SOX5: variants seen among roughly 807,000 people sequenced by gnomAD.
SOX5 encodes SRY-box transcription factor 5, also known as transcription factor SOX-5.
In SOX5, 9 loss-of-function variants were observed where a neutral mutation model predicts 92.0. The observed-to-expected ratio is 0.10, with a 90% CI of 0.06 to 0.17. The LOEUF (loss-of-function observed/expected upper bound fraction) is 0.17. Ranked by LOEUF, SOX5 falls within the 10% of genes least tolerant of loss-of-function variation. The pLI is 1.00. For synonymous variants in SOX5, 344 were observed against 336.3 expected, an observed-to-expected ratio of 1.02 and a Z score of -0.25; for missense variants, 642 against 944.5, an observed-to-expected ratio of 0.68 and a Z score of 4.20.
chr12:24,466,224 C>T (rs887370459), intron 1 of SOX5, among the ~76,000 whole-genome samples: 1 of 151,858 alleles, frequency 6.6e-6, no homozygotes, highest in African/African-American at 2.4e-5. Context: ...CTTCCTTCTT[C>T]CTTCTTTCTT....
intron 4 of SOX5, among the ~76,000 whole-genome samples, chr12:23,752,902 C>G (rs1342804387): frequency 6.6e-6 from 1 of 151,786 alleles, no homozygotes; most frequent in East Asian, 1.9e-4. Context: ...TACATGTTTG[C>G]TAGAGGATTG....
At chr12:24,402,966 T>A (rs761678050) in intron 1 of SOX5, among the ~76,000 whole-genome samples, 1 of 152,154 alleles carries the variant, frequency 6.6e-6, no homozygotes, top group Non-Finnish European at 1.5e-5. Flanking sequence ...AATGATATTC[T>A]AAACATACTC....
At chr12:24,415,612 T>G (rs1375154477) in intron 1 of SOX5, among the ~76,000 whole-genome samples, 2 of 152,174 alleles carry the variant, frequency 1.3e-5, no homozygotes, top group Non-Finnish European at 2.9e-5. Context: ...CTAAAGCTCT[T>G]AGCCCAAACT....
At chr12:24,097,104 C>T (rs1945513430) in intron 4 of SOX5, among the ~76,000 whole-genome samples, 1 of 151,990 alleles carries the variant, frequency 6.6e-6, no homozygotes, top group South Asian at 2.1e-4. Context: ...TGTATCTCAT[C>T]GTGGTTTTGA....
chr12:24,453,193 T>C (rs988649651), intron 1 of SOX5, among the ~76,000 whole-genome samples: 1 of 152,128 alleles, frequency 6.6e-6, no homozygotes, highest in Non-Finnish European at 1.5e-5. Flanking sequence ...AGGAAATACA[T>C]GGTTAAAGCA....
At chr12:24,117,467 T>C (rs1004322568) in intron 4 of SOX5, among the ~76,000 whole-genome samples, 1 of 152,260 alleles carries the variant, frequency 6.6e-6, no homozygotes, top group African/African-American at 2.4e-5. Flanking sequence ...TGGATATATA[T>C]ATATACGTAA....
intron 1 of SOX5, among the ~76,000 whole-genome samples, chr12:24,371,077 T>C (rs1251713975): frequency 2.0e-5 from 3 of 152,242 alleles, no homozygotes; most frequent in Non-Finnish European, 4.4e-5. Flanking sequence ...ATTATCTACA[T>C]GACCCTTACC....
At chr12:24,549,283 C>T (rs1478769217) in intron 1 of SOX5, among the ~76,000 whole-genome samples, 2 of 152,176 alleles carry the variant, frequency 1.3e-5, no homozygotes, top group Non-Finnish European at 2.9e-5. Context: ...TGTTGATCTT[C>T]CCTAATAGAC....
At chr12:23,714,348 C>T (rs1334396735) in intron 6 of SOX5, among the ~76,000 whole-genome samples, 2 of 151,822 alleles carry the variant, frequency 1.3e-5, no homozygotes, top group Admixed American at 6.6e-5. Context: ...GTAGGCTGGG[C>T]GCAGTGTCTA....
At chr12:24,096,981 A>T (rs1945498573) in intron 4 of SOX5, among the ~76,000 whole-genome samples, 1 of 152,124 alleles carries the variant, frequency 6.6e-6, no homozygotes, top group Non-Finnish European at 1.5e-5. Context: ...GCACCATTTC[A>T]CATTCCAACC....
At chr12:23,790,440 A>T (rs2095450838) in intron 3 of SOX5, among the ~76,000 whole-genome samples, 2 of 151,942 alleles carry the variant, frequency 1.3e-5, no homozygotes, top group Admixed American at 1.3e-4. Flanking sequence ...TTATGATGTC[A>T]CACTCTTAAT....
chr12:24,383,851 T>C (rs1323747869), intron 1 of SOX5, among the ~76,000 whole-genome samples: 3 of 152,052 alleles, frequency 2.0e-5, no homozygotes, highest in Non-Finnish European at 4.4e-5. Context: ...TTTGGCTGTG[T>C]CCCCACCCAA....
chr12:24,293,028 A>T (rs922714967), intron 2 of SOX5, among the ~76,000 whole-genome samples: 9 of 152,156 alleles, frequency 5.9e-5, no homozygotes, highest in Non-Finnish European at 1.3e-4. Flanking sequence ...GACCCAATAG[A>T]TCTAGTTGGG....
At chr12:24,314,002 C>G (rs963064423) in intron 2 of SOX5, among the ~76,000 whole-genome samples, 1 of 152,104 alleles carries the variant, frequency 6.6e-6, no homozygotes, top group Admixed American at 6.6e-5. Context: ...TCATCTTGAT[C>G]AAAAAATCCA....
At chr12:23,578,141 A>AAAAAAAAAAAAAAAAAAAAAAAAAAAC (rs1565983838) in intron 9 of SOX5, among the ~76,000 whole-genome samples, 2 of 136,272 alleles carry the variant, frequency 1.5e-5, no homozygotes, top group African/African-American at 5.4e-5. Context: ...AAAAAAAAAA[A>AAAAAAAAAAAAAAAAAAAAAAAAAAAC]AAAAAAAAAC....
chr12:24,539,343 A>C (rs575048708), intron 1 of SOX5, among the ~76,000 whole-genome samples: 27 of 152,306 alleles, frequency 1.8e-4, no homozygotes, highest in African/African-American at 5.8e-4. Context: ...TAATTACTAT[A>C]AACACAAATT....
At chr12:23,755,262 A>G (rs1475853871) in intron 4 of SOX5, among the ~76,000 whole-genome samples, 1 of 151,794 alleles carries the variant, frequency 6.6e-6, no homozygotes, top group African/African-American at 2.4e-5. Context: ...ACACACCCAT[A>G]TTTCTTATAT....
chr12:23,726,166 A>AGAGG (rs1350978715), intron 6 of SOX5, among the ~76,000 whole-genome samples: 5 of 133,762 alleles, frequency 3.7e-5, no homozygotes, highest in African/African-American at 1.4e-4. Context: ...AGAGAGAGAG[A>AGAGG]GAGAGAGAGG....
chr12:24,518,156 C>T (rs1949963293), intron 1 of SOX5, among the ~76,000 whole-genome samples: 1 of 152,042 alleles, frequency 6.6e-6, no homozygotes, highest in African/African-American at 2.4e-5. Context: ...GCAACCTCCA[C>T]CTCCCAGCTT....
Sources: gnomAD v4.1 joint callset for allele counts (sites outside exome capture counted in the v4.1 genomes callset) on GRCh38, gnomAD v4.1.1 for gene constraint, MANE v1.5 for transcripts, NCBI Gene and HGNC (gene_info 2026-07-23, HGNC 2026-07-21) for gene names.